The following NALCN variants were observed in gnomAD, a reference collection of about 807,000 sequenced individuals.
The protein encoded by NALCN is sodium leak channel, non-selective, also known as sodium leak channel NALCN.
Under a neutral mutation model 225.3 loss-of-function variants are expected in NALCN, and 111 were observed. The ratio of observed to expected loss-of-function variants is 0.49; its 90% confidence interval spans 0.42 to 0.58. NALCN has a LOEUF of 0.58. Ranked by LOEUF, NALCN falls within the 20% of genes least tolerant of loss-of-function variation. The probability of loss-of-function intolerance (pLI) is 0.00; values close to 1 mark genes in which losing one functional copy is unlikely to be tolerated. For synonymous variants in NALCN, 764 were observed against 769.0 expected (o/e 0.99, Z 0.11); for missense variants, 1,378 against 2,202.4 (o/e 0.63, Z 7.49).
chr13:101,359,881 T>C lies in NALCN; in HGVS notation c.645-14461A>G, dbSNP rs1358241707. On this transcript the variant is annotated intron_variant, in intron 6 of 43. Coordinates refer to ENST00000251127, the MANE Select transcript of NALCN (RefSeq NM_052867.4). ...TCTTCCAGATCTTCTGAAAAAATAA[T>C]CTACATTAACACGATCTCCAGTTTA... Among the ~76,000 whole-genome samples the C allele has an allele frequency of 2.0e-5, 3 of 152,174 alleles. 1 individual carries two copies. The highest frequency in any genetic ancestry group is 4.4e-5 in the Non-Finnish European group (3 of 68,034).
At chr13:101,091,512 T>A (rs2139558351) in intron 28 of NALCN, among the ~76,000 whole-genome samples, 1 of 152,314 alleles carries the variant, frequency 6.6e-6, no homozygotes, top group East Asian at 1.9e-4. Context: ...GTGGAGACGG[T>A]CTTTAATATA....
intron 7 of NALCN, among the ~76,000 whole-genome samples, chr13:101,299,667 T>G (rs1370466825): frequency 6.6e-6 from 1 of 152,202 alleles, no homozygotes; most frequent in Non-Finnish European, 1.5e-5. Flanking sequence ...AAGAACAAAG[T>G]GGCCACCTCT....
intron 3 of NALCN, among the ~76,000 whole-genome samples, chr13:101,383,336 T>C (rs1346243319): frequency 9.9e-5 from 15 of 152,180 alleles, no homozygotes; most frequent in Admixed American, 9.8e-4. Context: ...CTCCAACTTA[T>C]TGGATCTGAT....
At chr13:101,300,367 T>TTTCCTTCCTTCCTTCC (rs71121182) in intron 7 of NALCN, among the ~76,000 whole-genome samples, 6 of 101,700 alleles carry the variant, frequency 5.9e-5, no homozygotes, top group East Asian at 3.3e-4. Flanking sequence ...TCTTTCTTTC[T>TTTCCTTCCTTCCTTCC]TTCCTTCCTT....
chr13:101,067,304 G>GGGGAAGAGGAGGGGGAAGAGGA (rs2032491131), intron 39 of NALCN, among the ~76,000 whole-genome samples: 4 of 49,884 alleles, frequency 8.0e-5, no homozygotes, highest in African/African-American at 2.5e-4. Context: ...GGGAAGAGGA[G>GGGGAAGAGGAGGGGGAAGAGGA]GGGGAAGAGG....
chr13:101,352,398 A>G (rs1478572172), intron 6 of NALCN, among the ~76,000 whole-genome samples: 3 of 152,184 alleles, frequency 2.0e-5, no homozygotes. Flanking sequence ...TGGAATAAAT[A>G]GCATAACATT....
intron 11 of NALCN, 147 bp from the exon 12 acceptor site, chr13:101,238,069 A>C: frequency 1.6e-6 from 1 of 615,168 alleles, no homozygotes; most frequent in Non-Finnish European, 2.7e-6. Flanking sequence ...TTACTTTAAG[A>C]ATGCATTTGA....
At chr13:101,161,163 C>T (rs2038165142) in intron 15 of NALCN, among the ~76,000 whole-genome samples, 1 of 152,152 alleles carries the variant, frequency 6.6e-6, no homozygotes, top group Admixed American at 6.5e-5. Flanking sequence ...TGACCTACGC[C>T]ACATGTCTAG....
intron 43 of NALCN, among the ~76,000 whole-genome samples, chr13:101,055,927 G>A (rs753305208): frequency 1.3e-5 from 2 of 152,156 alleles, no homozygotes; most frequent in African/African-American, 2.4e-5. Context: ...GGGCCTCACA[G>A]TCATGGTGTT....
At chr13:101,371,723 A>G (rs751798433) in intron 6 of NALCN, among the ~76,000 whole-genome samples, 1 of 152,134 alleles carries the variant, frequency 6.6e-6, no homozygotes, top group Non-Finnish European at 1.5e-5. Context: ...CAAAATCTCC[A>G]AGGTTTTGAC....
chr13:101,255,083 A>T (rs2042186853), intron 11 of NALCN, among the ~76,000 whole-genome samples: 1 of 152,200 alleles, frequency 6.6e-6, no homozygotes, highest in East Asian at 1.9e-4. Flanking sequence ...GACAACAATT[A>T]TTGGACACAT....
At chr13:101,176,193 C>T in intron 15 of NALCN, 107 bp downstream of exon 15, 1 of 711,480 alleles carries the variant, frequency 1.4e-6, no homozygotes, top group Non-Finnish European at 2.1e-6. Context: ...AGCCTTATTA[C>T]ATTTTATTTT....
intron 15 of NALCN, among the ~76,000 whole-genome samples, chr13:101,168,020 C>T (rs1474865212): frequency 1.3e-5 from 2 of 152,032 alleles, no homozygotes. Flanking sequence ...GATTGCTTTC[C>T]ATGGTGACTA....
intron 15 of NALCN, among the ~76,000 whole-genome samples, chr13:101,162,886 C>A (rs993274404): frequency 6.6e-6 from 1 of 152,200 alleles, no homozygotes. Flanking sequence ...CATCTTCCCT[C>A]CAAATCCCAC....
At chr13:101,110,585 G>C (rs775222761) in intron 20 of NALCN, 34 bp downstream of exon 20, 1 of 1,606,682 alleles carries the variant, frequency 6.2e-7, no homozygotes, top group Admixed American at 1.7e-5. Flanking sequence ...TCATAATCAC[G>C]TTTCTGAAAT....
chr13:101,158,615 A>C (rs1363996783), intron 15 of NALCN, among the ~76,000 whole-genome samples: 1 of 152,206 alleles, frequency 6.6e-6, no homozygotes, highest in Non-Finnish European at 1.5e-5. Context: ...CTCTACCCCC[A>C]TCTGCACCAT....
rs924746276 is a variant in NALCN, at chr13:101,104,218, T to C, written c.2889+77A>G. 2.3e-4 allele frequency: 352 copies of C among 1,520,478 alleles called. 1 individual carries two copies. The highest frequency in any genetic ancestry group is 3.0e-4 in the Non-Finnish European group (337 of 1,133,886). The allele number at this position is 1,520,478 out of a possible 1,614,324, so 94.2% of individuals were successfully genotyped here. A position where few individuals can be genotyped will look rare whatever the true frequency, so the allele number is the denominator to read the frequency against. ...TCTAAGCCTCTGTAACTCATACCTC[T>C]TGCGCTTATACCAAGAAATGCAGGA... On this transcript the variant is annotated intron_variant, in intron 25 of 43. Transcript: ENST00000251127. The surrounding 1 kb of genome is among the most constrained non-coding windows in gnomAD (Gnocchi z 4.2).
chr13:101,194,923 G>C (rs2039829095), intron 13 of NALCN, among the ~76,000 whole-genome samples: 1 of 152,222 alleles, frequency 6.6e-6, no homozygotes, highest in Admixed American at 6.5e-5. Context: ...AGAATTGCTT[G>C]AACCTGGGAG....
chr13:101,259,248 A>T (rs1407979575), intron 10 of NALCN, among the ~76,000 whole-genome samples: 1 of 152,162 alleles, frequency 6.6e-6, no homozygotes, highest in Non-Finnish European at 1.5e-5. Context: ...GATGGACTCA[A>T]TACTGGAACC....
Sources: allele counts gnomAD v4.1 joint callset (sites outside exome capture counted in the v4.1 genomes callset), GRCh38; gene constraint gnomAD v4.1.1; non-coding constraint Gnocchi (gnomAD v3.1); transcripts MANE v1.5; gene names NCBI Gene and HGNC (gene_info 2026-07-23, HGNC 2026-07-21).